Variants in TEX9 observed in about 807,000 individuals in gnomAD.
The protein encoded by TEX9 is testis-expressed protein 9.
A neutral mutation model predicts 59.6 loss-of-function variants in TEX9; 74 were observed. That is an observed-to-expected ratio of 1.24 (90% CI 1.03 to 1.51). TEX9 has a LOEUF of 1.51. Among genes scored for constraint, TEX9 ranks in the 40% most tolerant of loss-of-function variants. TEX9 has a pLI of 0.00. For synonymous variants in TEX9, 186 were observed against 152.2 expected, an observed-to-expected ratio of 1.22 and a Z score of -1.64; for missense variants, 522 against 447.8, an observed-to-expected ratio of 1.17 and a Z score of -1.49.
At chr15:56,434,862 T>C (rs948089441) in intron 12 of TEX9, among the ~76,000 whole-genome samples, 3 of 152,096 alleles carry the variant, frequency 2.0e-5, no homozygotes, top group Admixed American at 6.6e-5. Context: ...ATTCCCTTCA[T>C]TCTCCAAAAT....
At chr15:56,283,571 G>A (rs2044871166) in intron 1 of TEX9, among the ~76,000 whole-genome samples, 1 of 152,074 alleles carries the variant, frequency 6.6e-6, no homozygotes, top group South Asian at 2.1e-4. Context: ...AAAAAATCCT[G>A]TAGATTCTCA....
upstream of TEX9, among the ~76,000 whole-genome samples, chr15:56,361,836 G>C (rs1386080255): frequency 6.6e-6 from 1 of 152,182 alleles, no homozygotes; most frequent in Non-Finnish European, 1.5e-5. Context: ...GGAATGCCAA[G>C]AAGTGACAGC....
rs143505852 is a variant in TEX9 at position 56,400,335 on chromosome 15, C to T, written c.828+5501C>T. ...ACCACGGCACGAAAACTCCGTGATG[C>T]GTGGACAAGCTTCAATAGCCAATTT... On this transcript the variant is annotated intron_variant, in intron 9 of 12. Coordinates refer to ENST00000352903, the Ensembl canonical transcript of TEX9. Among the ~76,000 whole-genome samples the T allele has an allele frequency of 7.4e-4, 113 of 152,136 alleles. No individual in the cohort carries two copies. In the Middle Eastern group the frequency reaches 0.017, roughly 23 times the overall value.
chr15:56,347,331 T>C (rs2046490707), intron 1 of TEX9, among the ~76,000 whole-genome samples: 1 of 152,138 alleles, frequency 6.6e-6, no homozygotes, highest in South Asian at 2.1e-4. Flanking sequence ...TCAAAACTTA[T>C]TATGTATATA....
At chr15:56,247,837 A>G (rs531392685) in intron 1 of TEX9, among the ~76,000 whole-genome samples, 11 of 152,214 alleles carry the variant, frequency 7.2e-5, no homozygotes, top group Non-Finnish European at 1.6e-4. Context: ...ACTTGAATAT[A>G]AAAATAAAAT....
chr15:56,394,418 G>A (rs1361480713), intron 8 of TEX9, 171 bp downstream of exon 8: 2 of 644,908 alleles, frequency 3.1e-6, no homozygotes, highest in Non-Finnish European at 5.1e-6. Flanking sequence ...TTTTCACAGA[G>A]CTGAAATATC....
At chr15:56,344,479 A>G (rs1459335207) in intron 1 of TEX9, among the ~76,000 whole-genome samples, 2 of 152,162 alleles carry the variant, frequency 1.3e-5, no homozygotes, top group African/African-American at 4.8e-5. Flanking sequence ...CCATAGAGAC[A>G]GAAATTAGTG....
chr15:56,264,735 A>AT (rs2044341980), intron 1 of TEX9, among the ~76,000 whole-genome samples: 1 of 152,098 alleles, frequency 6.6e-6, no homozygotes, highest in Non-Finnish European at 1.5e-5. Flanking sequence ...TAGATTCAAT[A>AT]TTTCATTTAT....
chr15:56,306,257 C>CAAAAAAAAAAAAAA (rs55882329), intron 1 of TEX9, among the ~76,000 whole-genome samples: 20 of 79,434 alleles, frequency 2.5e-4, no homozygotes, highest in Non-Finnish European at 3.6e-4. Flanking sequence ...AGGTACATAG[C>CAAAAAAAAAAAAAA]AAAAAAAAAA....
intron 1 of TEX9, among the ~76,000 whole-genome samples, chr15:56,331,252 A>G (rs1022885561): frequency 1.3e-5 from 2 of 152,230 alleles, no homozygotes; most frequent in South Asian, 4.1e-4. Context: ...TCATCCAGAC[A>G]GAAAATCAGC....
At chr15:56,250,499 T>A (rs1363508369) in intron 1 of TEX9, among the ~76,000 whole-genome samples, 1 of 152,220 alleles carries the variant, frequency 6.6e-6, no homozygotes, top group Non-Finnish European at 1.5e-5. Flanking sequence ...GAACAGCTGA[T>A]GATAAAGGTT....
chr15:56,300,708 G>GAGAGAGAGAGAGAGAGAGAGGGTGAGAGA (rs2045331855), intron 1 of TEX9, among the ~76,000 whole-genome samples: 4 of 102,728 alleles, frequency 3.9e-5, no homozygotes, highest in South Asian at 7.2e-4. Flanking sequence ...AGAGAGAGAG[G>GAGAGAGAGAGAGAGAGAGAGGGTGAGAGA]GAGAGAGAGA....
intron 1 of TEX9, among the ~76,000 whole-genome samples, chr15:56,339,383 C>CAAAAAAAAAAAAAAAAAAAAAAAAAAAA (rs71456382): frequency 3.2e-5 from 1 of 30,770 alleles, no homozygotes; most frequent in African/African-American, 1.2e-4. Flanking sequence ...ACTCCTTCTC[C>CAAAAAAAAAAAAAAAAAAAAAAAAAAAA]AAAAAAAAAA....
chr15:56,384,050 C>T lies in TEX9; in HGVS notation c.263+19C>T, dbSNP rs778458197. The T allele has an allele frequency of 7.0e-6, 11 of 1,576,608 alleles. No individual in the cohort carries two copies. The Middle Eastern group carries it at 6.7e-4, about 96-fold the overall frequency. Reference sequence around the variant, plus strand: ...GTTTAAGGTAAGTATCTTAAATTCTCAAGCACCTTCTTTTAAAAGGATGTA... The same window carrying T: ...GTTTAAGGTAAGTATCTTAAATTCTTAAGCACCTTCTTTTAAAAGGATGTA... On this transcript the variant is annotated intron_variant, in intron 4 of 12. Transcript: ENST00000352903.
chr15:56,434,298 T>C, intron 12 of TEX9: 1 of 1,613,970 alleles, frequency 6.2e-7, no homozygotes, highest in Non-Finnish European at 8.5e-7. Context: ...CTCCTCTTCC[T>C]CTTTTGCAGC....
chr15:56,300,742 A>AGAGAGAGG (rs1378888730), intron 1 of TEX9, among the ~76,000 whole-genome samples: 109 of 145,136 alleles, frequency 7.5e-4, no homozygotes, highest in Admixed American at 1.8e-3. Context: ...AGAGAGAGAG[A>AGAGAGAGG]GAGACTTCAT....
intron 10 of TEX9, among the ~76,000 whole-genome samples, chr15:56,416,473 G>A (rs1291606779): frequency 6.6e-6 from 1 of 151,698 alleles, no homozygotes; most frequent in Non-Finnish European, 1.5e-5. Context: ...AGGTAATCGT[G>A]GTTTTTGTCT....
At chr15:56,322,349 G>T (rs1461920586) in intron 1 of TEX9, among the ~76,000 whole-genome samples, 1 of 152,116 alleles carries the variant, frequency 6.6e-6, no homozygotes, top group Non-Finnish European at 1.5e-5. Flanking sequence ...ATTTTTAAAG[G>T]CTTACTCTGG....
intron 1 of TEX9, among the ~76,000 whole-genome samples, chr15:56,281,845 C>T (rs2713943): frequency 0.44 from 66,682 of 151,616 alleles, 15,965 homozygotes; most frequent in Non-Finnish European, 0.55. Context: ...TCCGAAGATC[C>T]GCAGTTTGAG....
Sources: allele counts gnomAD v4.1 joint callset (sites outside exome capture counted in the v4.1 genomes callset), GRCh38; gene constraint gnomAD v4.1.1; transcripts MANE v1.5; gene names NCBI Gene and HGNC (gene_info 2026-07-23, HGNC 2026-07-21).